Variants in RAI1 observed in about 807,000 individuals in gnomAD.
The protein encoded by RAI1 is retinoic acid-induced protein 1.
A neutral mutation model predicts 123.8 loss-of-function variants in RAI1; 9 were observed. The ratio of observed to expected loss-of-function variants is 0.07; its 90% CI spans 0.04 to 0.13. The LOEUF (loss-of-function observed/expected upper bound fraction) is 0.13, where lower values mean the gene tolerates loss of function less well. Among genes scored for constraint, RAI1 ranks in the 10% least tolerant of loss-of-function variants. The pLI, the probability that RAI1 is intolerant of heterozygous loss-of-function variation, is 1.00. For synonymous variants in RAI1, 1,231 were observed against 1,127.3 expected, an observed-to-expected ratio of 1.09 and a Z score of -1.84; for missense variants, 2,256 against 2,545.8, an observed-to-expected ratio of 0.89 and a Z score of 2.45.
intron 2 of RAI1, among the ~76,000 whole-genome samples, chr17:17,741,729 G>T (rs554554581): frequency 6.6e-6 from 1 of 152,230 alleles, no homozygotes; most frequent in Non-Finnish European, 1.5e-5. Flanking sequence ...AATCCCCGAG[G>T]TGGTTCTAAA....
At chr17:17,785,055 T>G (rs2031776471) in intron 2 of RAI1, among the ~76,000 whole-genome samples, 1 of 152,164 alleles carries the variant, frequency 6.6e-6, no homozygotes, top group Non-Finnish European at 1.5e-5. Flanking sequence ...CCAGGGCAGT[T>G]GTATGTGTGT....
intron 2 of RAI1, among the ~76,000 whole-genome samples, chr17:17,734,577 G>A (rs998005532): frequency 6.6e-6 from 1 of 152,204 alleles, no homozygotes; most frequent in Non-Finnish European, 1.5e-5. Flanking sequence ...GCTGGGAATG[G>A]GGGTCATGGA....
intron 2 of RAI1, among the ~76,000 whole-genome samples, chr17:17,774,641 C>T (rs1038282142): frequency 2.0e-5 from 3 of 152,276 alleles, no homozygotes; most frequent in Non-Finnish European, 4.4e-5. Flanking sequence ...CAAGGAGCTC[C>T]TGTCTTCCCG....
chr17:17,733,325 A>G (rs548704231), intron 2 of RAI1, among the ~76,000 whole-genome samples: 11 of 152,232 alleles, frequency 7.2e-5, no homozygotes, highest in Non-Finnish European at 1.3e-4. Context: ...GGTGCACCAG[A>G]TGCGGGGCAC....
intron 1 of RAI1, among the ~76,000 whole-genome samples, chr17:17,716,823 G>C (rs1213417797): frequency 1.3e-5 from 2 of 152,216 alleles, no homozygotes; most frequent in Non-Finnish European, 2.9e-5. Context: ...TGGGCTTAGC[G>C]TGGGGCACTG....
At chr17:17,721,793 T>C (rs4925103) in intron 1 of RAI1, among the ~76,000 whole-genome samples, 101,211 of 152,060 alleles carry the variant, frequency 0.67, 34,653 homozygotes, top group African/African-American at 0.79. Flanking sequence ...GACTAAGCAG[T>C]CTGACATTTT....
chr17:17,760,521 C>T (rs538811226), intron 2 of RAI1, among the ~76,000 whole-genome samples: 1 of 152,320 alleles, frequency 6.6e-6, no homozygotes, highest in African/African-American at 2.4e-5. Flanking sequence ...CCCTGGGTCC[C>T]CGCCATGGAG....
chr17:17,788,088 T>C (rs1001732713), intron 2 of RAI1, among the ~76,000 whole-genome samples: 1 of 152,090 alleles, frequency 6.6e-6, no homozygotes, highest in Non-Finnish European at 1.5e-5. Context: ...CCCCAGACCC[T>C]ATAGAGAGGG....
Position 17,797,177 on chromosome 17 carries a change from G to C in RAI1, c.4229G>C (p.Gly1410Ala). 9.3e-6 allele frequency: 15 copies of C among 1,613,922 alleles called. No homozygotes were observed. Among genetic ancestry groups the C allele is most frequent in the Non-Finnish European group, 1.3e-5 (15 of 1,180,036 alleles). ...CRNPTNRSLKGKLMNSKKLSS... is the reference protein window; with the variant it reads ...CRNPTNRSLKAKLMNSKKLSS... ...AATCCAACCAACAGATCCTTAAAAG[G>C]CAAACTCATGAACAGTAAGAAACTG... The change falls in exon 3 of 6, where the codon GGC (glycine) becomes GCC (alanine). Residue 1410 changes from glycine (G) to alanine (A), a missense_variant. Around this residue, in one of 7 missense-constraint regions of RAI1, gnomAD observed 410 missense variants for 374.6 expected, o/e 1.09. Coordinates refer to ENST00000353383, the MANE Select transcript of RAI1 (RefSeq NM_030665.4).
chr17:17,747,137 T>C (rs2142978288), intron 2 of RAI1, among the ~76,000 whole-genome samples: 1 of 151,982 alleles, frequency 6.6e-6, no homozygotes, highest in African/African-American at 2.4e-5. Context: ...GCTGACAGCC[T>C]TCCCACCCAG....
At chr17:17,694,050 G>T (rs1216256945) in intron 1 of RAI1, among the ~76,000 whole-genome samples, 3 of 152,256 alleles carry the variant, frequency 2.0e-5, no homozygotes, top group Non-Finnish European at 4.4e-5. Context: ...GTCAGTGTCT[G>T]CTCTCATCCT....
chr17:17,792,786 G>C (rs1396049629), intron 2 of RAI1, 147 bp from the exon 3 acceptor site: 4 of 685,890 alleles, frequency 5.8e-6, no homozygotes, highest in African/African-American at 3.7e-5. Flanking sequence ...CTGCGCGGGG[G>C]AGCAGGCAGG....
At position 17,796,266 on chromosome 17, in the gene RAI1, C is replaced by T; in HGVS notation, c.3318C>T (p.Ala1106=). Residue 1106 remains alanine (A), a synonymous_variant, in exon 3 of 6, where the codon GCC becomes GCT. Transcript: ENST00000353383. This position sits in a 1 kb window ranked among gnomAD's most constrained non-coding sequence, Gnocchi z 5.8. The part of the protein sequence containing the change: ...KRVGKPSPKA[A]SSPSNPAALP... The stretch of plus-strand genomic sequence containing the variant: ...TGGGGAAGCCCTCACCCAAGGCTGC[C>T]TCCAGCCCCAGCAACCCGGCCGCCC... The T allele has an allele frequency of 6.3e-7, 1 of 1,593,930 alleles. No homozygotes were observed. The highest frequency in any genetic ancestry group is 8.6e-7 in the Non-Finnish European group (1 of 1,168,242).
At chr17:17,805,999 G>A (rs1336128478) in intron 4 of RAI1, among the ~76,000 whole-genome samples, 1 of 152,246 alleles carries the variant, frequency 6.6e-6, no homozygotes, top group African/African-American at 2.4e-5. Context: ...TAATGCCTTG[G>A]CTTTCTTGCT....
At chr17:17,692,964 G>T (rs1363052159) in intron 1 of RAI1, among the ~76,000 whole-genome samples, 1 of 152,242 alleles carries the variant, frequency 6.6e-6, no homozygotes, top group African/African-American at 2.4e-5. Flanking sequence ...TGAAAGGGGA[G>T]AGAGGGCAGA....
intron 1 of RAI1, among the ~76,000 whole-genome samples, chr17:17,716,056 C>G (rs1915704436): frequency 6.6e-6 from 1 of 152,212 alleles, no homozygotes; most frequent in Non-Finnish European, 1.5e-5. Context: ...CATGTCATAG[C>G]CAGCTTGAGT....
intron 2 of RAI1, among the ~76,000 whole-genome samples, chr17:17,751,046 G>A (rs1017354092): frequency 2.0e-5 from 3 of 152,234 alleles, no homozygotes; most frequent in African/African-American, 7.2e-5. Flanking sequence ...ATTAGCCGTC[G>A]ACTTCCGGTT....
At chr17:17,755,030 A>G (rs1468399840) in intron 2 of RAI1, among the ~76,000 whole-genome samples, 53 of 152,192 alleles carry the variant, frequency 3.5e-4, no homozygotes, top group Non-Finnish European at 2.9e-5. Context: ...GGAAATAGCC[A>G]TAGCTGTACC....
chr17:17,792,993 G>A lies in RAI1; in HGVS notation c.45G>A (p.Gln15=). 6.3e-7 allele frequency: 1 copy of A among 1,578,174 alleles called. No homozygotes were observed. The highest frequency in any genetic ancestry group is 8.6e-7 in the Non-Finnish European group (1 of 1,157,270). The change falls in exon 3 of 6, where the codon CAG becomes CAA. Residue 15 remains glutamine (Q), a synonymous_variant. Coordinates refer to ENST00000353383, the MANE Select transcript of RAI1 (RefSeq NM_030665.4). ...GGTGTGGTTTCCATGGCAAACAACA[G>A]AACTACCAGCAGACCTCGCAGGAAA... ...RERCGFHGKQ[Q]NYQQTSQETS...
Sources: allele counts gnomAD v4.1 joint callset (sites outside exome capture counted in the v4.1 genomes callset), GRCh38; gene constraint gnomAD v4.1.1; regional missense constraint gnomAD v4.1.1; non-coding constraint Gnocchi (gnomAD v3.1); transcripts MANE v1.5; gene names NCBI Gene and HGNC (gene_info 2026-07-23, HGNC 2026-07-21).